Variants in HYDIN observed in about 807,000 individuals in gnomAD.
HYDIN encodes HYDIN axonemal central pair apparatus protein, also known as axonemal central pair apparatus protein HYDIN.
Under a neutral mutation model 403.9 loss-of-function variants are expected in HYDIN, and 132 were observed. That is an observed-to-expected ratio of 0.33 (90% CI 0.28 to 0.38). The LOEUF (loss-of-function observed/expected upper bound fraction) is 0.38, where lower values mean the gene tolerates loss of function less well. Ranked by LOEUF, HYDIN falls within the 10% of genes least tolerant of loss-of-function variation. The pLI, the probability that HYDIN is intolerant of heterozygous loss-of-function variation, is 1.00. For missense variants in HYDIN, 2,827 were observed against 5,009.5 expected, an observed-to-expected ratio of 0.56 and a Z score of 13.15; for synonymous variants, 1,202 against 1,891.7, an observed-to-expected ratio of 0.64 and a Z score of 9.46.
chr16:70,932,062 A>G (rs2077357909), intron 45 of HYDIN, among the ~76,000 whole-genome samples: 1 of 150,118 alleles, frequency 6.7e-6, no homozygotes, highest in Admixed American at 6.7e-5. Flanking sequence ...AAAATAAAAA[A>G]AAAAGTGATT....
At chr16:71,223,407 T>C (rs1598068830) in intron 1 of HYDIN, among the ~76,000 whole-genome samples, 2 of 152,170 alleles carry the variant, frequency 1.3e-5, no homozygotes, top group East Asian at 1.9e-4. Context: ...TCTTCTGGCA[T>C]TGGCTTAGGC....
intron 45 of HYDIN, among the ~76,000 whole-genome samples, chr16:70,926,551 G>T (rs531745308): frequency 2.6e-5 from 4 of 151,596 alleles, no homozygotes; most frequent in Admixed American, 2.6e-4. Flanking sequence ...GCATGGCACA[G>T]GTATACATAT....
intron 36 of HYDIN, among the ~76,000 whole-genome samples, chr16:70,966,124 G>A (rs1459927385): frequency 6.6e-6 from 1 of 151,520 alleles, no homozygotes; most frequent in Admixed American, 6.6e-5. Flanking sequence ...CTTCCTGTGC[G>A]ATTAGCTGAA....
intron 83 of HYDIN, among the ~76,000 whole-genome samples, chr16:70,822,353 T>C (rs1011110552): frequency 1.3e-5 from 2 of 151,974 alleles, no homozygotes; most frequent in Admixed American, 6.6e-5. Flanking sequence ...ATGACTGAAT[T>C]GCTACAATCT....
At chr16:71,069,710 T>G (rs4603564) in intron 13 of HYDIN, among the ~76,000 whole-genome samples, 69,231 of 151,654 alleles carry the variant, frequency 0.46, 17,066 homozygotes, top group African/African-American at 0.67. Context: ...CTTTTTCATT[T>G]ATGCATTCAC....
chr16:70,881,890 G>A (rs2040829531), intron 60 of HYDIN, among the ~76,000 whole-genome samples: 1 of 152,188 alleles, frequency 6.6e-6, no homozygotes, highest in African/African-American at 2.4e-5. Flanking sequence ...TAGAGTATTT[G>A]CCACACATTG....
At chr16:70,994,040 A>G (rs550774054) in intron 23 of HYDIN, among the ~76,000 whole-genome samples, 1 of 152,098 alleles carries the variant, frequency 6.6e-6, no homozygotes, top group Admixed American at 6.6e-5. Flanking sequence ...AACACAATGG[A>G]AAAAAATCAA....
At chr16:71,040,907 A>G (rs1319921760) in intron 18 of HYDIN, among the ~76,000 whole-genome samples, 2 of 135,810 alleles carry the variant, frequency 1.5e-5, no homozygotes, top group Non-Finnish European at 3.2e-5. Context: ...GTCTCCACTC[A>G]AATGTTCCGA....
intron 1 of HYDIN, among the ~76,000 whole-genome samples, chr16:71,226,495 G>C (rs2041039834): frequency 6.6e-6 from 1 of 152,170 alleles, no homozygotes; most frequent in Admixed American, 6.5e-5. Context: ...AAGAAACATT[G>C]AGGAAAATCT....
chr16:71,223,830 A>ATG, intron 1 of HYDIN, among the ~76,000 whole-genome samples: 1 of 152,246 alleles, frequency 6.6e-6, no homozygotes, highest in Non-Finnish European at 1.5e-5. Flanking sequence ...AAAACAATAG[A>ATG]TGTTGGTTGG....
intron 5 of HYDIN, among the ~76,000 whole-genome samples, chr16:71,170,200 G>A (rs1185033241): frequency 6.6e-6 from 1 of 152,182 alleles, no homozygotes; most frequent in Non-Finnish European, 1.5e-5. Flanking sequence ...CTATACCTCA[G>A]GGGAGCTGAA....
In HYDIN at chr16:70,887,573, T is replaced by TA. The variant is rs1002099122; in HGVS notation, c.9774+2013dup. The stretch of plus-strand genomic sequence containing the variant: ...ACTTCTGACCTACAGAACTATAAGA[T>TA]AAAAAATGTGTAATACTTTAAGCTT... On this transcript the variant is annotated intron_variant, in intron 58 of 85. Transcript: ENST00000393567. Among the ~76,000 whole-genome samples the TA allele has an allele frequency of 6.2e-4, 95 of 152,310 alleles. 1 individual carries two copies. The highest frequency in any genetic ancestry group is 8.8e-4 in the Non-Finnish European group (60 of 68,042).
rs2087078397 is a variant in HYDIN at position 71,185,009 on chromosome 16, A to C, written c.136-19T>G. ...GTGTAAGCTAGAATGTAAAACAATAAGAACCAAAGATTCTTAAGTGGATGT... is the reference window on the plus strand; with the variant it reads ...GTGTAAGCTAGAATGTAAAACAATACGAACCAAAGATTCTTAAGTGGATGT... On this transcript the variant is annotated intron_variant, in intron 2 of 85. Coordinates refer to ENST00000393567, the MANE Select transcript of HYDIN (RefSeq NM_001270974.2). The C allele has an allele frequency of 6.4e-7, 1 of 1,565,766 alleles. No homozygotes were observed. The highest frequency in any genetic ancestry group is 8.7e-7 in the Non-Finnish European group (1 of 1,150,712).
In HYDIN at chr16:71,224,053, T is replaced by A. The variant is rs114809340; in HGVS notation, c.-24+6509A>T. On this transcript the variant is annotated intron_variant, in intron 1 of 85. Coordinates refer to ENST00000393567, the MANE Select transcript of HYDIN (RefSeq NM_001270974.2). The stretch of plus-strand genomic sequence containing the variant: ...GATATGGAACCAACCTAAGTGCCCA[T>A]TGATCAACAAGTGGATAAAGAAAAT... Among the ~76,000 whole-genome samples the A allele has an allele frequency of 4.6e-5, 7 of 152,306 alleles. No individual in the cohort carries two copies. In the East Asian group the frequency reaches 9.6e-4, roughly 21 times the overall value.
intron 18 of HYDIN, among the ~76,000 whole-genome samples, chr16:71,059,602 G>C (rs2082015220): frequency 6.6e-6 from 1 of 151,812 alleles, no homozygotes; most frequent in African/African-American, 2.4e-5. Context: ...ACACAAAGAA[G>C]GGAACAAGAG....
intron 1 of HYDIN, among the ~76,000 whole-genome samples, chr16:71,202,312 A>G (rs576312459): frequency 1.6e-4 from 24 of 152,370 alleles, no homozygotes; most frequent in African/African-American, 5.8e-4. Flanking sequence ...TCATTGCAGC[A>G]AATTCTTAAA....
At chr16:71,157,529 A>G (rs928695302) in intron 6 of HYDIN, among the ~76,000 whole-genome samples, 19 of 150,908 alleles carry the variant, frequency 1.3e-4, no homozygotes, top group Non-Finnish European at 2.1e-4. Context: ...ATTCAACCAC[A>G]TTCTTTCTCA....
intron 14 of HYDIN, 82 bp downstream of exon 14, chr16:71,069,185 G>C (rs1004288995): frequency 1.8e-5 from 27 of 1,480,490 alleles, no homozygotes; most frequent in Non-Finnish European, 2.1e-5. Context: ...GGACATGCTA[G>C]AGCAAACCCT....
intron 45 of HYDIN, among the ~76,000 whole-genome samples, chr16:70,932,009 CAAAAAAAA>C (rs57391181): frequency 2.1e-4 from 6 of 29,072 alleles, no homozygotes; most frequent in East Asian, 1.5e-3. Flanking sequence ...AGACTTGTAT[CAAAAAAAA>C]AAAAAAAAAA....
Sources: allele counts gnomAD v4.1 joint callset (sites outside exome capture counted in the v4.1 genomes callset), GRCh38; gene constraint gnomAD v4.1.1; transcripts MANE v1.5; gene names NCBI Gene and HGNC (gene_info 2026-07-23, HGNC 2026-07-21).